Variants in ELMO1 observed in about 807,000 individuals in gnomAD.
ELMO1 encodes engulfment and cell motility 1, also known as engulfment and cell motility protein 1.
ELMO1 carries 26 observed loss-of-function variants against 98.9 expected under a neutral mutation model. That is an observed-to-expected ratio of 0.26 (90% CI 0.19 to 0.36). The LOEUF (loss-of-function observed/expected upper bound fraction) is 0.36. Ranked by LOEUF, ELMO1 falls within the 10% of genes least tolerant of loss-of-function variation. The pLI is 1.00. For synonymous variants in ELMO1, 346 were observed against 346.0 expected, an observed-to-expected ratio of 1.00 and a Z score of 0.00; for missense variants, 627 against 935.2, an observed-to-expected ratio of 0.67 and a Z score of 4.30.
intron 2 of ELMO1, among the ~76,000 whole-genome samples, chr7:37,338,242 T>C (rs1800527371): frequency 6.6e-6 from 1 of 152,220 alleles, no homozygotes; most frequent in South Asian, 2.1e-4. Context: ...GGCTCAAGGC[T>C]AACTGAGCCT....
At chr7:37,176,966 A>C (rs1332596706) in intron 13 of ELMO1, among the ~76,000 whole-genome samples, 1 of 152,222 alleles carries the variant, frequency 6.6e-6, no homozygotes, top group Non-Finnish European at 1.5e-5. Flanking sequence ...AGCCATTAAA[A>C]ATGCTTAGGA....
chr7:36,855,863 C>T lies in ELMO1; in HGVS notation c.1984-112G>A. 4 of 1,204,456 alleles carry T rather than the reference C, an allele frequency of 3.3e-6. No homozygotes were observed. The highest frequency in any genetic ancestry group is 3.6e-6 in the Non-Finnish European group (3 of 841,640). The allele number at this position is 1,204,456 out of a possible 1,614,324, so 74.6% of individuals were successfully genotyped here. On this transcript the variant is annotated intron_variant, in intron 21 of 21. Coordinates refer to ENST00000310758, the MANE Select transcript of ELMO1 (RefSeq NM_014800.11). This position sits in a 1 kb window ranked among gnomAD's most constrained non-coding sequence, Gnocchi z 4.2. Reference sequence around the variant, plus strand: ...CCCTCAGTAGGCTGTGCGCTAAGGGCTCTGCCTACTTCGTCATTTCATATT... The same window carrying T: ...CCCTCAGTAGGCTGTGCGCTAAGGGTTCTGCCTACTTCGTCATTTCATATT...
At chr7:37,327,326 G>A (rs932252827) in intron 2 of ELMO1, among the ~76,000 whole-genome samples, 3 of 152,174 alleles carry the variant, frequency 2.0e-5, no homozygotes, top group Non-Finnish European at 4.4e-5. Context: ...CTGTATTTAT[G>A]TGCATAGCTT....
intron 14 of ELMO1, among the ~76,000 whole-genome samples, chr7:37,125,700 G>C (rs1380743313): frequency 2.0e-5 from 3 of 152,224 alleles, no homozygotes; most frequent in Admixed American, 2.0e-4. Context: ...CCGTTGGTGG[G>C]ACTATAAACT....
intron 15 of ELMO1, among the ~76,000 whole-genome samples, chr7:37,092,363 A>ATCCTTTTTTTTT (rs1784145221): frequency 1.5e-5 from 1 of 65,416 alleles, no homozygotes; most frequent in Non-Finnish European, 3.4e-5. Flanking sequence ...AATTACCCAT[A>ATCCTTTTTTTTT]TTCTTTTTTT....
intron 13 of ELMO1, among the ~76,000 whole-genome samples, chr7:37,188,648 TAG>T (rs1791393493): frequency 6.6e-6 from 1 of 151,944 alleles, no homozygotes; most frequent in Admixed American, 6.6e-5. Flanking sequence ...AGAAAATCTT[TAG>T]AGTTATGAAA....
At chr7:37,086,819 C>A (rs183218486) in intron 15 of ELMO1, among the ~76,000 whole-genome samples, 2 of 128,730 alleles carry the variant, frequency 1.6e-5, no homozygotes, top group East Asian at 4.0e-4. Flanking sequence ...CTTACCAATT[C>A]TCATGCCCTT....
chr7:36,951,814 T>C (rs142212802), intron 16 of ELMO1, among the ~76,000 whole-genome samples: 2 of 152,228 alleles, frequency 1.3e-5, no homozygotes, highest in Non-Finnish European at 2.9e-5. Flanking sequence ...TCTTCTCTGC[T>C]AGAAACTTCC....
intron 16 of ELMO1, among the ~76,000 whole-genome samples, chr7:36,934,543 A>G (rs1176033870): frequency 1.3e-5 from 2 of 152,248 alleles, no homozygotes; most frequent in African/African-American, 4.8e-5. Flanking sequence ...ATAAAAGTTA[A>G]TAACATTGGG....
chr7:36,906,957 T>C (rs769341217), intron 16 of ELMO1, among the ~76,000 whole-genome samples: 20 of 152,206 alleles, frequency 1.3e-4, no homozygotes, highest in Non-Finnish European at 2.6e-4. Flanking sequence ...CAACAATATA[T>C]CTCAGAGTGC....
intron 7 of ELMO1, among the ~76,000 whole-genome samples, chr7:37,244,135 CATAAA>C (rs1794884409): frequency 6.6e-6 from 1 of 152,006 alleles, no homozygotes; most frequent in Non-Finnish European, 1.5e-5. Context: ...TGGTTACATA[CATAAA>C]ATATTCTTTC....
chr7:37,165,239 G>A (rs1584748232), intron 13 of ELMO1, among the ~76,000 whole-genome samples: 1 of 152,308 alleles, frequency 6.6e-6, no homozygotes, highest in Middle Eastern at 3.4e-3. Context: ...ATTTTGGGCT[G>A]AAACAATGGG....
chr7:36,954,175 C>T (rs749932825), intron 16 of ELMO1, among the ~76,000 whole-genome samples: 2 of 152,076 alleles, frequency 1.3e-5, no homozygotes, highest in Non-Finnish European at 2.9e-5. Flanking sequence ...TCTCACAGAG[C>T]CTCAAGCACT....
chr7:37,237,416 A>G (rs1016520802), intron 7 of ELMO1, among the ~76,000 whole-genome samples: 2 of 152,080 alleles, frequency 1.3e-5, no homozygotes, highest in African/African-American at 4.8e-5. Flanking sequence ...CAGCCTCCCA[A>G]GTAGCTGGGA....
chr7:37,094,605 C>T (rs28702697), intron 15 of ELMO1, among the ~76,000 whole-genome samples: 2,331 of 152,292 alleles, frequency 0.015, 55 homozygotes, highest in African/African-American at 0.053. Flanking sequence ...GGCCAGCCCA[C>T]ATCAGGGTCA....
chr7:37,241,742 C>T (rs1017455968), intron 7 of ELMO1, among the ~76,000 whole-genome samples: 5 of 152,150 alleles, frequency 3.3e-5, no homozygotes, highest in African/African-American at 9.7e-5. Flanking sequence ...GAAGATTATA[C>T]ACTAGGAAGC....
At chr7:37,391,620 G>A (rs1803081001) in intron 1 of ELMO1, among the ~76,000 whole-genome samples, 1 of 152,152 alleles carries the variant, frequency 6.6e-6, no homozygotes, top group African/African-American at 2.4e-5. Context: ...CTCATGGAAG[G>A]ACCCACACCT....
Position 37,374,590 on chromosome 7 carries a change from A to C in ELMO1, c.-73-31827T>G, listed in dbSNP as rs1802252400. ...TATGGCGAAATTCCATCTGTACTAA[A>C]AATACAAAAAATTAGCCAGGTGTGG... is the stretch of plus-strand genomic sequence containing the variant. On this transcript the variant is annotated intron_variant, in intron 1 of 21. Coordinates refer to ENST00000310758, the MANE Select transcript of ELMO1 (RefSeq NM_014800.11). Among the ~76,000 whole-genome samples, 2 of 151,898 alleles carry C rather than the reference A, an allele frequency of 1.3e-5. 1 individual carries two copies. Among genetic ancestry groups the C allele is most frequent in the South Asian group, 4.2e-4 (2 of 4,812 alleles).
chr7:37,213,482 A>T, intron 11 of ELMO1, 25 bp from the exon 12 acceptor site: 5 of 1,590,352 alleles, frequency 3.1e-6, no homozygotes, highest in Non-Finnish European at 3.4e-6. Flanking sequence ...CACAAATGAA[A>T]TTTTTTAAAA....
Sources: allele counts gnomAD v4.1 joint callset (sites outside exome capture counted in the v4.1 genomes callset), GRCh38; gene constraint gnomAD v4.1.1; non-coding constraint Gnocchi (gnomAD v3.1); transcripts MANE v1.5; gene names NCBI Gene and HGNC (gene_info 2026-07-23, HGNC 2026-07-21).